The following LRP2 variants were observed in gnomAD, a reference collection of about 807,000 sequenced individuals.
The protein encoded by LRP2 is low-density lipoprotein receptor-related protein 2.
In LRP2, 172 loss-of-function variants were observed where a neutral mutation model predicts 531.0. The observed-to-expected ratio is 0.32, with a 90% CI of 0.29 to 0.37. LRP2 has a LOEUF of 0.37. Ranked by LOEUF, LRP2 falls within the 10% of genes least tolerant of loss-of-function variation. The pLI, the probability that LRP2 is intolerant of heterozygous loss-of-function variation, is 1.00. For missense variants in LRP2, 5,167 were observed against 5,868.3 expected, an observed-to-expected ratio of 0.88 and a Z score of 3.90; for synonymous variants, 1,992 against 2,027.6, an observed-to-expected ratio of 0.98 and a Z score of 0.47.
At chr2:169,158,896 T>C (rs936157789) in intron 63 of LRP2, among the ~76,000 whole-genome samples, 3 of 151,476 alleles carry the variant, frequency 2.0e-5, no homozygotes, top group Non-Finnish European at 4.4e-5. Flanking sequence ...CCCATATAAA[T>C]GATCCCTGTT....
chr2:169,307,501 A>C (rs1235883624), intron 3 of LRP2, 104 bp from the exon 4 acceptor site: 6 of 759,440 alleles, frequency 7.9e-6, no homozygotes, highest in Non-Finnish European at 1.4e-5. Flanking sequence ...TCATAGGGAC[A>C]CAAGGTAAAG....
intron 34 of LRP2, among the ~76,000 whole-genome samples, chr2:169,217,333 T>C (rs1688836428): frequency 6.6e-6 from 1 of 152,132 alleles, no homozygotes; most frequent in African/African-American, 2.4e-5. Context: ...AATTTCATCT[T>C]CAACTCTAAA....
rs1022467035 is a variant in LRP2 at position 169,127,772 on chromosome 2, A to G, written c.*891T>C. On this transcript the variant is annotated 3_prime_UTR_variant, in exon 79 of 79. Transcript: ENST00000649046. ...CTGGTATTTTTTTTTTTTGCACCTT[A>G]TTTTATGAAGACACAGATTTGGTTT... 1.9e-4 allele frequency: 28 copies of G among 145,826 alleles called. 2 individuals carry two copies. The highest frequency in any genetic ancestry group is 6.9e-5 in the Admixed American group (1 of 14,570). 9.0% of individuals were successfully genotyped at this position (145,826 alleles called of 1,614,324 possible).
chr2:169,356,894 C>A (rs1479000919), intron 1 of LRP2, among the ~76,000 whole-genome samples: 1 of 152,164 alleles, frequency 6.6e-6, no homozygotes, highest in Non-Finnish European at 1.5e-5. Context: ...AAACTGCAGT[C>A]CATTTTAATT....
chr2:169,203,071 C>T (rs962590348), intron 42 of LRP2, 112 bp from the exon 43 acceptor site: 30 of 860,674 alleles, frequency 3.5e-5, no homozygotes, highest in East Asian at 2.8e-4. Context: ...CCCTAAGAAG[C>T]GCCATGGAAG....
chr2:169,132,958 T>A lies in LRP2; in HGVS notation c.13621-277A>T, dbSNP rs553136325. Among the ~76,000 whole-genome samples, 14 of 152,268 alleles carry A rather than the reference T, an allele frequency of 9.2e-5. No individual in the cohort carries two copies. In the South Asian group the frequency reaches 1.0e-3, roughly 11 times the overall value. On this transcript the variant is annotated intron_variant, in intron 76 of 78. Coordinates refer to ENST00000649046, the MANE Select transcript of LRP2 (RefSeq NM_004525.3). The stretch of plus-strand genomic sequence containing the variant: ...CACACTCTCACTTATTACTAGCAAT[T>A]TCTACTGTATTCTCTATACCTTCTT...
At chr2:169,305,297 CA>C in intron 4 of LRP2, among the ~76,000 whole-genome samples, 1 of 152,040 alleles carries the variant, frequency 6.6e-6, no homozygotes, top group East Asian at 1.9e-4. Context: ...TGCACATATA[CA>C]AGTATATCTT....
intron 24 of LRP2, among the ~76,000 whole-genome samples, chr2:169,241,944 G>C (rs1304194676): frequency 1.3e-5 from 2 of 152,058 alleles, no homozygotes; most frequent in Admixed American, 6.5e-5. Flanking sequence ...ATTTGACAAG[G>C]GTAAACCAAA....
intron 19 of LRP2, among the ~76,000 whole-genome samples, chr2:169,255,053 T>C (rs1441001908): frequency 6.6e-6 from 1 of 152,182 alleles, no homozygotes; most frequent in Non-Finnish European, 1.5e-5. Flanking sequence ...ATACATTCTA[T>C]GCATGTGAGA....
At chr2:169,290,241 G>A (rs1204581534) in intron 8 of LRP2, among the ~76,000 whole-genome samples, 1 of 132,082 alleles carries the variant, frequency 7.6e-6, no homozygotes, top group Non-Finnish European at 1.6e-5. Flanking sequence ...GTAACTCAAG[G>A]TACATAACCC....
intron 67 of LRP2, among the ~76,000 whole-genome samples, chr2:169,151,798 T>C (rs1686146216): frequency 6.6e-6 from 1 of 152,118 alleles, no homozygotes; most frequent in Non-Finnish European, 1.5e-5. Context: ...AGTTTTGAGT[T>C]CCTGACTCTA....
chr2:169,248,693 A>T (rs1322981773), intron 19 of LRP2, among the ~76,000 whole-genome samples: 1 of 124,172 alleles, frequency 8.1e-6, no homozygotes, highest in East Asian at 2.0e-4. Context: ...GACGCAGAAG[A>T]CGGTGATTTC....
At chr2:169,217,148 A>T (rs1395293634) in intron 34 of LRP2, among the ~76,000 whole-genome samples, 1 of 152,204 alleles carries the variant, frequency 6.6e-6, no homozygotes, top group Non-Finnish European at 1.5e-5. Flanking sequence ...TTTCCACTGA[A>T]GATGTAAGTT....
In LRP2 at chr2:169,180,792, G is replaced by A. The variant is rs1023431465; in HGVS notation, c.10169+656C>T. ...TGCTTATGCAGAAGACAATACTATG[G>A]TCCAACTAGGCCATAACTAGCAAAA... On this transcript the variant is annotated intron_variant, in intron 52 of 78. Coordinates refer to ENST00000649046, the MANE Select transcript of LRP2 (RefSeq NM_004525.3). 2.0e-5 allele frequency among the ~76,000 whole-genome samples: 3 copies of A among 152,216 alleles called. No homozygotes were observed. In the East Asian group the frequency reaches 5.8e-4, roughly 29 times the overall value.
intron 58 of LRP2, among the ~76,000 whole-genome samples, chr2:169,171,441 T>C (rs1170088900): frequency 2.6e-5 from 4 of 152,104 alleles, no homozygotes; most frequent in Non-Finnish European, 5.9e-5. Context: ...TTCCTCAACC[T>C]CCCTATCCAA....
At chr2:169,357,295 TTTTA>T (rs1686017868) in intron 1 of LRP2, among the ~76,000 whole-genome samples, 1 of 29,160 alleles carries the variant, frequency 3.4e-5, no homozygotes, top group African/African-American at 1.3e-4. Context: ...TTTATTTTTA[TTTTA>T]TTTTATTTTA....
chr2:169,230,696 T>C (rs1374943381), intron 31 of LRP2, among the ~76,000 whole-genome samples: 1 of 152,250 alleles, frequency 6.6e-6, no homozygotes, highest in Non-Finnish European at 1.5e-5. Context: ...TAAGGAATTA[T>C]ATTTTTAAGT....
intron 21 of LRP2, among the ~76,000 whole-genome samples, chr2:169,245,763 C>T (rs1298468554): frequency 6.6e-6 from 1 of 152,212 alleles, no homozygotes; most frequent in African/African-American, 2.4e-5. Context: ...GAATATAACA[C>T]ATGAGATTTT....
Position 169,198,775 on chromosome 2 carries a change from A to G in LRP2, c.8578+11T>C. ...GGAACGATAGAAAGAAAGCAGTTTT[A>G]TCTTACTCACTGCAATAAGTAGGGT... On this transcript the variant is annotated intron_variant, in intron 45 of 78. Coordinates refer to ENST00000649046, the MANE Select transcript of LRP2 (RefSeq NM_004525.3). The G allele has an allele frequency of 1.2e-6, 2 of 1,613,186 alleles. No homozygotes were observed. The highest frequency in any genetic ancestry group is 2.7e-5 in the African/African-American group (2 of 75,032).
Sources: gnomAD v4.1 joint callset for allele counts (sites outside exome capture counted in the v4.1 genomes callset) on GRCh38, gnomAD v4.1.1 for gene constraint, MANE v1.5 for transcripts, NCBI Gene and HGNC (gene_info 2026-07-23, HGNC 2026-07-21) for gene names.